The following PDLIM5 variants were observed in gnomAD, a reference collection of about 807,000 sequenced individuals.
The protein encoded by PDLIM5 is PDZ and LIM domain protein 5.
A neutral mutation model predicts 64.2 loss-of-function variants in PDLIM5; 34 were observed. The ratio of observed to expected loss-of-function variants is 0.53; its 90% CI spans 0.40 to 0.71. The LOEUF (loss-of-function observed/expected upper bound fraction) is 0.71. Ranked by LOEUF, PDLIM5 falls within the 30% of genes least tolerant of loss-of-function variation. PDLIM5 has a pLI of 0.00. For synonymous variants in PDLIM5, 253 were observed against 269.1 expected, an observed-to-expected ratio of 0.94 and a Z score of 0.59; for missense variants, 683 against 733.6, an observed-to-expected ratio of 0.93 and a Z score of 0.80.
intron 8 of PDLIM5, among the ~76,000 whole-genome samples, chr4:94,623,371 A>G (rs1739406817): frequency 1.3e-5 from 2 of 152,076 alleles, no homozygotes; most frequent in African/African-American, 4.8e-5. Context: ...TGCTCCTTTT[A>G]TTTGAAATGC....
intron 7 of PDLIM5, among the ~76,000 whole-genome samples, chr4:94,617,437 G>A (rs1043499486): frequency 1.3e-5 from 2 of 151,904 alleles, no homozygotes; most frequent in Non-Finnish European, 2.9e-5. Flanking sequence ...TTGTTTTGTG[G>A]CCAGTGCATA....
Position 94,666,311 on chromosome 4 carries a change from G to A in PDLIM5, c.*2244G>A. 1 of 319,972 alleles carries A rather than the reference G, an allele frequency of 3.1e-6. No homozygotes were observed. Among genetic ancestry groups the A allele is most frequent in the Non-Finnish European group, 5.7e-6 (1 of 176,566 alleles). The allele number at this position is 319,972 out of a possible 1,614,324, so 19.8% of individuals were successfully genotyped here. A position where few individuals can be genotyped will look rare whatever the true frequency, so the allele number is the denominator to read the frequency against. On this transcript the variant is annotated 3_prime_UTR_variant, in exon 13 of 13. Transcript: ENST00000317968. ...ACTGGGGATAAAAGAATGGCAAGGG[G>A]TGACACAAAGTAGCAAACTGAATAC...
At chr4:94,646,851 C>T (rs1462914904) in intron 9 of PDLIM5, among the ~76,000 whole-genome samples, 1 of 152,176 alleles carries the variant, frequency 6.6e-6, no homozygotes, top group African/African-American at 2.4e-5. Flanking sequence ...CACAATCACA[C>T]TAACCAGTCT....
At chr4:94,609,544 C>G (rs1184980774) in intron 7 of PDLIM5, among the ~76,000 whole-genome samples, 2 of 152,180 alleles carry the variant, frequency 1.3e-5, no homozygotes, top group Non-Finnish European at 2.9e-5. Flanking sequence ...ATGTTTTGAT[C>G]ATATTCACTG....
At chr4:94,622,635 T>TC (rs1739328197) in intron 8 of PDLIM5, among the ~76,000 whole-genome samples, 1 of 147,490 alleles carries the variant, frequency 6.8e-6, no homozygotes, top group African/African-American at 2.6e-5. Flanking sequence ...TCTCCCTCCC[T>TC]CCTTCCCTCC....
intron 7 of PDLIM5, chr4:94,587,115 A>G (rs1736289064): frequency 1.3e-6 from 2 of 1,572,232 alleles, no homozygotes; most frequent in Non-Finnish European, 1.7e-6. Context: ...CAGCCAGCAC[A>G]TACCTTTTCA....
chr4:94,652,958 A>G (rs537660948), intron 9 of PDLIM5, among the ~76,000 whole-genome samples: 13 of 152,322 alleles, frequency 8.5e-5, no homozygotes, highest in South Asian at 4.1e-4. Flanking sequence ...ATATGGTGAC[A>G]AAGAATTTAC....
intron 5 of PDLIM5, chr4:94,585,060 G>T (rs1253627161): frequency 1.1e-6 from 1 of 893,196 alleles, no homozygotes; most frequent in Non-Finnish European, 1.8e-6. Context: ...CATTATAAGT[G>T]CAGTTTTTTA....
At chr4:94,611,153 G>T (rs977481109) in intron 7 of PDLIM5, 1 of 1,534,878 alleles carries the variant, frequency 6.5e-7, no homozygotes, top group Non-Finnish European at 8.7e-7. Context: ...TTTCCTATCT[G>T]CAGTCCTCAA....
chr4:94,496,970 T>C (rs1004164902), intron 2 of PDLIM5, among the ~76,000 whole-genome samples: 1 of 152,234 alleles, frequency 6.6e-6, no homozygotes, highest in Non-Finnish European at 1.5e-5. Context: ...CTGTAAATTT[T>C]TATTGATGGT....
intron 2 of PDLIM5, among the ~76,000 whole-genome samples, chr4:94,499,415 A>G (rs1727700835): frequency 1.3e-5 from 2 of 152,172 alleles, no homozygotes; most frequent in African/African-American, 2.4e-5. Flanking sequence ...AAAAATATAT[A>G]TTATATTAGT....
chr4:94,545,334 A>G (rs1443457792), intron 3 of PDLIM5, among the ~76,000 whole-genome samples: 1 of 152,138 alleles, frequency 6.6e-6, no homozygotes, highest in African/African-American at 2.4e-5. Flanking sequence ...TTAACCATGT[A>G]CTCATATAAT....
In PDLIM5 at chr4:94,511,596, C is replaced by T. The variant is rs1045966788; in HGVS notation, c.97-12128C>T. Among the ~76,000 whole-genome samples the T allele has an allele frequency of 4.6e-5, 3 of 64,744 alleles. No individual in the cohort carries two copies. In the South Asian group the frequency reaches 2.5e-3, roughly 54 times the overall value. 42.5% of individuals were successfully genotyped at this position (64,744 alleles called of 152,430 possible). On this transcript the variant is annotated intron_variant, in intron 2 of 12. Transcript: ENST00000317968. The stretch of plus-strand genomic sequence containing the variant: ...ATTTTTTACTCATCAGACATCCCCC[C>T]CAACACACACACACACACACACACA...
chr4:94,665,505 AAG>A lies in PDLIM5; in HGVS notation c.*1450_*1451del, dbSNP rs766822591. On this transcript the variant is annotated 3_prime_UTR_variant, in exon 13 of 13. Transcript: ENST00000317968. The stretch of plus-strand genomic sequence containing the variant: ...TTAAAAAAAAAAAAAAAAAAAAAAA[AAG>A]AGAGAGAGAGAATAAATAGAAAAGA... The A allele has an allele frequency of 2.9e-5, 19 of 662,826 alleles. No individual in the cohort carries two copies. The highest frequency in any genetic ancestry group is 1.3e-4 in the East Asian group (1 of 7,438). 41.1% of individuals were successfully genotyped at this position (662,826 alleles called of 1,614,324 possible).
chr4:94,463,948 G>A (rs552185448), intron 2 of PDLIM5, among the ~76,000 whole-genome samples: 13 of 152,206 alleles, frequency 8.5e-5, no homozygotes, highest in Non-Finnish European at 1.6e-4. Flanking sequence ...CAGGCATTGT[G>A]AAGGTATACT....
At chr4:94,577,446 G>T in intron 5 of PDLIM5, 1 of 435,414 alleles carries the variant, frequency 2.3e-6, no homozygotes, top group Non-Finnish European at 4.5e-6. Flanking sequence ...TTGAGGTTGT[G>T]GGTGGCTTTC....
chr4:94,580,301 G>A (rs1333473114), intron 5 of PDLIM5, among the ~76,000 whole-genome samples: 5 of 152,088 alleles, frequency 3.3e-5, no homozygotes, highest in East Asian at 1.9e-4. Flanking sequence ...CCATAAAGTC[G>A]TATTGGAAAT....
At chr4:94,568,687 C>A (rs1383930715) in intron 3 of PDLIM5, among the ~76,000 whole-genome samples, 2 of 152,010 alleles carry the variant, frequency 1.3e-5, no homozygotes, top group Non-Finnish European at 2.9e-5. Flanking sequence ...AGAATTACAG[C>A]AATAAGTTTT....
intron 5 of PDLIM5, chr4:94,584,871 T>A (rs561525752): frequency 1.5e-6 from 1 of 676,386 alleles, no homozygotes; most frequent in Non-Finnish European, 2.6e-6. Flanking sequence ...AAGTTTGATT[T>A]TGACTACTAT....
Sources: gnomAD v4.1 joint callset for allele counts (sites outside exome capture counted in the v4.1 genomes callset) on GRCh38, gnomAD v4.1.1 for gene constraint, MANE v1.5 for transcripts, NCBI Gene and HGNC (gene_info 2026-07-23, HGNC 2026-07-21) for gene names.